SYT16: variants seen among roughly 807,000 people sequenced by gnomAD.
SYT16 encodes the protein synaptotagmin 16.
SYT16 carries 42 observed loss-of-function variants against 61.4 expected under a neutral mutation model. The observed-to-expected ratio is 0.68, with a 90% CI of 0.53 to 0.89. SYT16 has a LOEUF of 0.89. Ranked by LOEUF, SYT16 falls within the 40% of genes least tolerant of loss-of-function variation. The probability of loss-of-function intolerance (pLI) is 0.00; values close to 1 mark genes in which losing one functional copy is unlikely to be tolerated. For missense variants in SYT16, 804 were observed against 807.3 expected (o/e 1.00, Z 0.05); for synonymous variants, 314 against 302.3 (o/e 1.04, Z -0.40).
chr14:61,835,297 G>A (rs376082390), intron 1 of SYT16, among the ~76,000 whole-genome samples: 7 of 128,338 alleles, frequency 5.5e-5, no homozygotes, highest in Non-Finnish European at 7.8e-5. Flanking sequence ...TCACATTGTC[G>A]CCCGGGGAAA....
chr14:61,853,644 C>T (rs2046685566), intron 1 of SYT16, among the ~76,000 whole-genome samples: 1 of 152,196 alleles, frequency 6.6e-6, no homozygotes, highest in African/African-American at 2.4e-5. Context: ...ACTTTCCAGA[C>T]TCCATAACTG....
intron 1 of SYT16, among the ~76,000 whole-genome samples, chr14:61,907,532 A>T (rs1341608573): frequency 2.0e-5 from 3 of 152,102 alleles, no homozygotes; most frequent in Non-Finnish European, 4.4e-5. Context: ...GCATCAGAGG[A>T]TCCACTTGCA....
intron 7 of SYT16, among the ~76,000 whole-genome samples, chr14:62,088,847 T>A (rs4902104): frequency 0.8 from 121,518 of 151,942 alleles, 48,955 homozygotes; most frequent in South Asian, 0.91. Flanking sequence ...TTAGGTATAA[T>A]ATACTGGGGA....
chr14:61,869,238 T>C (rs2047252938), intron 1 of SYT16, among the ~76,000 whole-genome samples: 1 of 152,066 alleles, frequency 6.6e-6, no homozygotes, highest in South Asian at 2.1e-4. Flanking sequence ...ATAGTCTGTT[T>C]TTTAGTTGGT....
chr14:61,924,879 A>G (rs1391003235), intron 1 of SYT16, among the ~76,000 whole-genome samples: 1 of 152,234 alleles, frequency 6.6e-6, no homozygotes, highest in South Asian at 2.1e-4. Context: ...CATGTAAGCA[A>G]AGTTCACAGG....
chr14:61,935,321 C>T (rs1408182933), intron 1 of SYT16, among the ~76,000 whole-genome samples: 1 of 152,228 alleles, frequency 6.6e-6, no homozygotes, highest in Non-Finnish European at 1.5e-5. Flanking sequence ...ACACTGTCCT[C>T]ATTCTGGCCC....
At chr14:62,035,218 G>A (rs932475509) in intron 3 of SYT16, among the ~76,000 whole-genome samples, 2 of 152,162 alleles carry the variant, frequency 1.3e-5, no homozygotes, top group African/African-American at 4.8e-5. Flanking sequence ...TTTGGATCAT[G>A]ACCAGTTTTA....
chr14:62,049,811 C>A (rs1172321026), intron 3 of SYT16, among the ~76,000 whole-genome samples: 1 of 152,240 alleles, frequency 6.6e-6, no homozygotes, highest in African/African-American at 2.4e-5. Flanking sequence ...CCACTCTCTT[C>A]TGGCTTGTAG....
chr14:61,837,528 C>T (rs779782448), intron 1 of SYT16, among the ~76,000 whole-genome samples: 6 of 152,150 alleles, frequency 3.9e-5, no homozygotes, highest in Admixed American at 6.5e-5. Context: ...CGTGAGCTGC[C>T]GTGCAGCTGA....
chr14:61,880,605 A>T (rs1386244635), intron 1 of SYT16, among the ~76,000 whole-genome samples: 1 of 152,130 alleles, frequency 6.6e-6, no homozygotes, highest in Non-Finnish European at 1.5e-5. Context: ...TAACACATAT[A>T]TTGCTCTATT....
intron 3 of SYT16, among the ~76,000 whole-genome samples, chr14:62,015,829 A>G (rs1171527531): frequency 1.3e-5 from 2 of 152,224 alleles, no homozygotes; most frequent in Admixed American, 6.5e-5. Context: ...TCTGTTGTCC[A>G]TGAGCCACTC....
chr14:61,923,519 C>T (rs1231699810), intron 1 of SYT16, among the ~76,000 whole-genome samples: 1 of 152,174 alleles, frequency 6.6e-6, no homozygotes, highest in Non-Finnish European at 1.5e-5. Context: ...TTCCTGACCT[C>T]ACCACTAGAT....
At chr14:61,860,135 C>A (rs1265476858) in intron 1 of SYT16, among the ~76,000 whole-genome samples, 3 of 152,144 alleles carry the variant, frequency 2.0e-5, no homozygotes, top group Non-Finnish European at 2.9e-5. Context: ...TGGAAAAAGT[C>A]ACTCTAGGTT....
At chr14:61,877,148 C>T (rs919946402) in intron 1 of SYT16, among the ~76,000 whole-genome samples, 4 of 152,116 alleles carry the variant, frequency 2.6e-5, no homozygotes, top group Admixed American at 6.5e-5. Context: ...CGGTTTTCTT[C>T]GGGAGCTGGT....
At chr14:62,042,302 C>G (rs76669079) in intron 3 of SYT16, among the ~76,000 whole-genome samples, 8,964 of 152,052 alleles carry the variant, frequency 0.059, 405 homozygotes, top group Non-Finnish European at 0.091. Flanking sequence ...CACGCCCAGC[C>G]CAAACATTTT....
chr14:61,850,288 C>T (rs181111728), intron 1 of SYT16, among the ~76,000 whole-genome samples: 22 of 152,118 alleles, frequency 1.4e-4, no homozygotes, highest in Admixed American at 1.1e-3. Context: ...GCACCTGCCA[C>T]CATGCCTGGC....
At chr14:61,926,831 T>G (rs2049559525) in intron 1 of SYT16, among the ~76,000 whole-genome samples, 1 of 152,212 alleles carries the variant, frequency 6.6e-6, no homozygotes, top group Non-Finnish European at 1.5e-5. Context: ...GCTTTCAGTT[T>G]CAGAGGGTGT....
intron 1 of SYT16, among the ~76,000 whole-genome samples, chr14:61,950,361 G>C (rs2050620673): frequency 6.6e-6 from 1 of 152,150 alleles, no homozygotes; most frequent in South Asian, 2.1e-4. Flanking sequence ...TGTGTTTTCA[G>C]ATCAACACTC....
intron 1 of SYT16, among the ~76,000 whole-genome samples, chr14:61,851,751 G>T (rs1485793919): frequency 6.6e-6 from 1 of 152,020 alleles, no homozygotes; most frequent in Non-Finnish European, 1.5e-5. Context: ...CTTTTTAATG[G>T]GGTTGTTTGC....
Sources: gnomAD v4.1 joint callset for allele counts (sites outside exome capture counted in the v4.1 genomes callset) on GRCh38, gnomAD v4.1.1 for gene constraint, MANE v1.5 for transcripts, NCBI Gene and HGNC (gene_info 2026-07-23, HGNC 2026-07-21) for gene names.